CEP192: variants seen among roughly 807,000 people sequenced by gnomAD.
CEP192 encodes the protein centrosomal protein 192.
Under a neutral mutation model 271.8 loss-of-function variants are expected in CEP192, and 151 were observed. That is an observed-to-expected ratio of 0.56 (90% confidence interval 0.49 to 0.64). The LOEUF is 0.64. Among genes scored for constraint, CEP192 ranks in the 30% least tolerant of loss-of-function variants. The pLI is 0.00. For synonymous variants in CEP192, 995 were observed against 1,076.5 expected (o/e 0.92, Z 1.48); for missense variants, 2,910 against 3,020.5 (o/e 0.96, Z 0.86).
At chr18:13,114,037 T>C in intron 41 of CEP192, 93 bp from the exon 42 acceptor site, 7 of 1,433,872 alleles carry the variant, frequency 4.9e-6, no homozygotes, top group Non-Finnish European at 6.6e-6. Flanking sequence ...TTTAAAAATT[T>C]TTAAAGGAAA....
chr18:13,116,071 TGCA>T (rs2040414920), intron 42 of CEP192, among the ~76,000 whole-genome samples: 1 of 152,198 alleles, frequency 6.6e-6, no homozygotes, highest in South Asian at 2.1e-4. Context: ...CAGTCGGTAC[TGCA>T]GCGTGACGGG....
intron 11 of CEP192, among the ~76,000 whole-genome samples, chr18:13,036,060 C>T (rs1270364308): frequency 3.3e-5 from 5 of 151,490 alleles, no homozygotes; most frequent in Non-Finnish European, 5.9e-5. Flanking sequence ...GCAGGAGAAT[C>T]GCTTGAGCCC....
chr18:13,106,543 A>G (rs1368305836), intron 40 of CEP192, among the ~76,000 whole-genome samples: 3 of 115,150 alleles, frequency 2.6e-5, no homozygotes, highest in Admixed American at 9.1e-5. Context: ...CACCTCCCCC[A>G]TCTCCCACAC....
chr18:13,119,600 C>T (rs2040575767), intron 44 of CEP192, among the ~76,000 whole-genome samples: 1 of 152,010 alleles, frequency 6.6e-6, no homozygotes, highest in East Asian at 1.9e-4. Context: ...AAATTAGCCA[C>T]GCATGGTGGC....
chr18:13,041,058 A>G (rs529447268), intron 14 of CEP192, 102 bp downstream of exon 14: 8 of 927,288 alleles, frequency 8.6e-6, no homozygotes, highest in African/African-American at 6.7e-5. Flanking sequence ...GAAAATGTAT[A>G]TAACACTTTG....
intron 44 of CEP192, among the ~76,000 whole-genome samples, chr18:13,121,512 G>A (rs2040658409): frequency 6.6e-6 from 1 of 152,168 alleles, no homozygotes; most frequent in Admixed American, 6.5e-5. Context: ...GTGCAGAGGT[G>A]GGTGAACACG....
intron 15 of CEP192, among the ~76,000 whole-genome samples, chr18:13,043,974 C>T (rs114995739): frequency 0.036 from 5,433 of 152,046 alleles, 309 homozygotes; most frequent in African/African-American, 0.12. Flanking sequence ...GGTATCCATC[C>T]CCTCAAGCAT....
At position 13,073,111 on chromosome 18, in the gene CEP192, C is replaced by G. The variant is rs765076361; in HGVS notation, c.5542C>G (p.Arg1848Gly). Residue 1848 changes from arginine (R) to glycine (G), a missense_variant, in exon 30 of 45, where the codon CGA becomes GGA. Coordinates refer to ENST00000506447, the MANE Select transcript of CEP192 (RefSeq NM_032142.4). Reference protein sequence around the residue: ...IFISVLFAPTRLSCMLARLEI... With the variant: ...IFISVLFAPTGLSCMLARLEI... ...CATCTCTGTATTATTTGCACCTACT[C>G]GATTATCTTGCATGTTGGCTAGACT... 3 of 1,613,708 alleles carry G rather than the reference C, an allele frequency of 1.9e-6. No homozygotes were observed. Among genetic ancestry groups the G allele is most frequent in the Non-Finnish European group, 2.5e-6 (3 of 1,179,882 alleles).
chr18:13,058,822 T>C (rs2037255192), intron 20 of CEP192: 2 of 461,942 alleles, frequency 4.3e-6, no homozygotes, highest in Admixed American at 6.9e-5. Flanking sequence ...TTAAGACAAG[T>C]GAGTGTAAGG....
chr18:13,072,946 TAATGG>T, intron 29 of CEP192, 58 bp from the exon 30 acceptor site: 1 of 1,551,444 alleles, frequency 6.4e-7, no homozygotes, highest in Non-Finnish European at 8.9e-7. Context: ...GAATCTGTGT[TAATGG>T]TATGTTTTAT....
chr18:13,039,262 C>T (rs11080621), intron 13 of CEP192, among the ~76,000 whole-genome samples: 20,233 of 151,826 alleles, frequency 0.13, 2,073 homozygotes, highest in African/African-American at 0.28. Flanking sequence ...CGAGACCAAC[C>T]GGCCAACATG....
At chr18:13,050,072 A>G (rs1473546183) in intron 17 of CEP192, among the ~76,000 whole-genome samples, 181 bp downstream of exon 17, 2 of 149,412 alleles carry the variant, frequency 1.3e-5, no homozygotes, top group African/African-American at 5.0e-5. Flanking sequence ...TTTTTTTTTT[A>G]CTCTTTATAA....
rs577138177 is a variant in CEP192 at position 13,015,309 on chromosome 18, G to T, written c.520-19G>T. 1 of 1,547,348 alleles carries T rather than the reference G, an allele frequency of 6.5e-7. No individual in the cohort carries two copies. The highest frequency in any genetic ancestry group is 2.4e-5 in the East Asian group (1 of 40,862). ...AGCCCTGAATGTGCTTCTCTTACTT[G>T]CCATTTTGTTTCTTATAGATTGTTG... is the stretch of plus-strand genomic sequence containing the variant. On this transcript the variant is annotated intron_variant, in intron 5 of 44. Coordinates refer to ENST00000506447, the MANE Select transcript of CEP192 (RefSeq NM_032142.4).
At chr18:13,016,027 T>G (rs2034626314) in intron 6 of CEP192, among the ~76,000 whole-genome samples, 1 of 152,190 alleles carries the variant, frequency 6.6e-6, no homozygotes, top group African/African-American at 2.4e-5. Flanking sequence ...ATTACAGGCG[T>G]GAGCCATCGC....
At position 13,116,428 on chromosome 18, in the gene CEP192, G is replaced by C; in HGVS notation, c.7341G>C (p.Arg2447Ser). The C allele has an allele frequency of 6.2e-7, 1 of 1,613,148 alleles. No homozygotes were observed. Among genetic ancestry groups the C allele is most frequent in the Non-Finnish European group, 8.5e-7 (1 of 1,179,684 alleles). ...RGVYAPEDVY[R>S]FRPTSVGESR... ...TTTATGCCCCAGAGGATGTGTACAGGTTCCGGCCGACTAGTGTGGGGGAAT... is the reference window on the plus strand; with the variant it reads ...TTTATGCCCCAGAGGATGTGTACAGCTTCCGGCCGACTAGTGTGGGGGAAT... Residue 2447 changes from arginine to serine, a missense_variant, in exon 43 of 45, where the codon AGG becomes AGC. Transcript: ENST00000506447.
At chr18:13,036,616 C>T (rs568123216) in intron 11 of CEP192, among the ~76,000 whole-genome samples, 87 of 152,220 alleles carry the variant, frequency 5.7e-4, no homozygotes, top group African/African-American at 2.1e-3. Context: ...TCCACCACTC[C>T]CAGTTGTGTT....
chr18:13,100,218 TTTCTC>T, intron 37 of CEP192, 82 bp from the exon 38 acceptor site: 1 of 884,284 alleles, frequency 1.1e-6, no homozygotes, highest in Non-Finnish European at 1.8e-6. Context: ...TGGCATTTCT[TTTCTC>T]TACCATGGTT....
chr18:13,047,937 T>C (rs878885329), intron 15 of CEP192, among the ~76,000 whole-genome samples: 1 of 152,234 alleles, frequency 6.6e-6, no homozygotes, highest in Admixed American at 6.5e-5. Context: ...CCTGATGATT[T>C]TTAAAAAACA....
At chr18:13,006,585 C>T (rs1166620843) in intron 3 of CEP192, among the ~76,000 whole-genome samples, 1 of 152,066 alleles carries the variant, frequency 6.6e-6, no homozygotes, top group Admixed American at 6.5e-5. Flanking sequence ...TCCTTTTCTC[C>T]GGGGCTGCTT....
Sources: allele counts gnomAD v4.1 joint callset (sites outside exome capture counted in the v4.1 genomes callset), GRCh38; gene constraint gnomAD v4.1.1; transcripts MANE v1.5; gene names NCBI Gene and HGNC (gene_info 2026-07-23, HGNC 2026-07-21).